PHTF2: variants seen among roughly 807,000 people sequenced by gnomAD.
PHTF2 encodes the protein putative homeodomain transcription factor 2.
In PHTF2, 60 loss-of-function variants were observed where a neutral mutation model predicts 101.2. The observed-to-expected ratio is 0.59, with a 90% CI of 0.48 to 0.73. The LOEUF (loss-of-function observed/expected upper bound fraction) is 0.73. Among genes scored for constraint, PHTF2 ranks in the 30% least tolerant of loss-of-function variants. The probability of loss-of-function intolerance (pLI) is 0.00; values close to 1 mark genes in which losing one functional copy is unlikely to be tolerated. For missense variants in PHTF2, 747 were observed against 908.7 expected, an observed-to-expected ratio of 0.82 and a Z score of 2.29; for synonymous variants, 311 against 307.3, an observed-to-expected ratio of 1.01 and a Z score of -0.13.
chr7:77,910,118 T>A, intron 8 of PHTF2, 127 bp from the exon 8 acceptor site: 1 of 659,928 alleles, frequency 1.5e-6, no homozygotes, highest in Non-Finnish European at 2.5e-6. Context: ...ATCTAGTAAA[T>A]CTAAATTTTA....
intron 3 of PHTF2, among the ~76,000 whole-genome samples, chr7:77,878,604 A>G (rs1369999606): frequency 6.6e-6 from 1 of 152,190 alleles, no homozygotes; most frequent in East Asian, 1.9e-4. Context: ...GGCTGTTATC[A>G]TCCTTCCTTT....
At chr7:77,879,776 A>G (rs1010213703) in intron 3 of PHTF2, among the ~76,000 whole-genome samples, 1 of 152,124 alleles carries the variant, frequency 6.6e-6, no homozygotes, top group Non-Finnish European at 1.5e-5. Flanking sequence ...TATGTATCTT[A>G]TAGGAAAAGC....
chr7:77,885,023 T>C (rs1799713052), intron 3 of PHTF2, among the ~76,000 whole-genome samples: 1 of 152,260 alleles, frequency 6.6e-6, no homozygotes, highest in Non-Finnish European at 1.5e-5. Context: ...GTAATGTTTT[T>C]AGAATATCAA....
chr7:77,942,715 C>T lies in PHTF2; in HGVS notation c.1888C>T (p.Arg630Ter), dbSNP rs199985778. 8 of 1,596,298 alleles carry T rather than the reference C, an allele frequency of 5.0e-6. No individual in the cohort carries two copies. Among genetic ancestry groups the T allele is most frequent in the Non-Finnish European group, 6.0e-6 (7 of 1,168,766 alleles). The change falls in exon 16 of 20, where the codon CGA becomes TGA. Residue 630 changes from arginine to a stop codon, truncating the protein, a stop_gained. Transcript: ENST00000416283. LOFTEE classifies it high-confidence loss of function. Reference sequence around the variant, plus strand: ...CACCCTGCAGCGTCGAGGTCCTCAGCGATCAGTTGATGTAATAGTTTCATC... The same window carrying T: ...CACCCTGCAGCGTCGAGGTCCTCAGTGATCAGTTGATGTAATAGTTTCATC...
chr7:77,946,632 TA>T (rs1309145347), intron 16 of PHTF2, among the ~76,000 whole-genome samples: 1 of 152,190 alleles, frequency 6.6e-6, no homozygotes, highest in Non-Finnish European at 1.5e-5. Flanking sequence ...ACTTCCTCTG[TA>T]AAGGGCCAGA....
chr7:77,849,930 A>G (rs146828474), intron 2 of PHTF2, among the ~76,000 whole-genome samples: 173 of 152,310 alleles, frequency 1.1e-3, no homozygotes, highest in African/African-American at 4.0e-3. Context: ...TTTTCCAAGT[A>G]AAAGATCATA....
At chr7:77,957,066 ATGTAAGAAAT>A (rs1229623879) in exon 20 of PHTF2, 1 of 152,228 alleles carries the variant, frequency 6.6e-6, no homozygotes, top group African/African-American at 2.4e-5. Flanking sequence ...AATACCATGA[ATGTAAGAAAT>A]TGAAAGAAAT....
chr7:77,928,802 T>G (rs1377474670), intron 11 of PHTF2, among the ~76,000 whole-genome samples: 2 of 152,246 alleles, frequency 1.3e-5, no homozygotes, highest in Admixed American at 6.5e-5. Flanking sequence ...GAACTTAGAC[T>G]ACTTAGACTA....
In PHTF2 at chr7:77,937,704, T is replaced by TTA; in HGVS notation, c.1339-3_1339-2dup. 4.0e-6 allele frequency: 5 copies of TTA among 1,247,612 alleles called. No homozygotes were observed. The highest frequency in any genetic ancestry group is 2.8e-5 in the East Asian group (1 of 35,480). 77.3% of individuals were successfully genotyped at this position (1,247,612 alleles called of 1,614,324 possible). ...ATATATTTACTAATTTTTTTTTTTT[T>TTA]TATAGAGTCATTTGCCCTGGCTCCA... On this transcript the variant is annotated splice_region_variant and splice_polypyrimidine_tract_variant and intron_variant, in intron 12 of 19. Transcript: ENST00000416283.
chr7:77,828,138 A>C (rs1794825112), intron 1 of PHTF2, among the ~76,000 whole-genome samples: 1 of 152,212 alleles, frequency 6.6e-6, no homozygotes, highest in African/African-American at 2.4e-5. Flanking sequence ...ACCAGTAATA[A>C]CATGTCCATG....
rs58290945 is a variant in PHTF2, at chr7:77,925,495, G to GTTTTTTTT, written c.1119+2741_1119+2748dup. On this transcript the variant is annotated intron_variant, in intron 11 of 19. Transcript: ENST00000416283. Reference sequence around the variant, plus strand: ...GCAATTATAGGCAATAGTTTTTAGGGTTTTTTTTTTTTTTTTTTTTTTTTT... The same window carrying GTTTTTTTT: ...GCAATTATAGGCAATAGTTTTTAGGGTTTTTTTTTTTTTTTTTTTTTTTTTTTTTTTTT... Among the ~76,000 whole-genome samples, 26 of 73,166 alleles carry GTTTTTTTT rather than the reference G, an allele frequency of 3.6e-4. 2 individuals are homozygous for GTTTTTTTT. The highest frequency in any genetic ancestry group is 9.2e-4 in the African/African-American group (16 of 17,300). The allele number at this position is 73,166 out of a possible 152,430, so 48.0% of individuals were successfully genotyped here. A position where few individuals can be genotyped will look rare whatever the true frequency, so the allele number is the denominator to read the frequency against.
At chr7:77,940,950 T>C (rs1805591869) in intron 15 of PHTF2, among the ~76,000 whole-genome samples, 1 of 152,192 alleles carries the variant, frequency 6.6e-6, no homozygotes, top group Admixed American at 6.5e-5. Flanking sequence ...CATGTCATTA[T>C]TTTCCTTTAA....
At chr7:77,927,195 T>TATAC (rs1554388751) in intron 11 of PHTF2, among the ~76,000 whole-genome samples, 4 of 78,510 alleles carry the variant, frequency 5.1e-5, no homozygotes, top group African/African-American at 7.4e-5. Context: ...TATATATATA[T>TATAC]ACATACACAC....
intron 3 of PHTF2, among the ~76,000 whole-genome samples, chr7:77,875,842 A>G (rs535714770): frequency 1.2e-4 from 19 of 152,242 alleles, no homozygotes; most frequent in African/African-American, 3.9e-4. Context: ...CAGGCGTGAG[A>G]AACCGTGCTG....
In PHTF2 at chr7:77,946,173, A is replaced by C. The variant is rs550341811; in HGVS notation, c.1959+3387A>C. Among the ~76,000 whole-genome samples the C allele has an allele frequency of 1.3e-4, 20 of 152,340 alleles. No homozygotes were observed. In the South Asian group the frequency reaches 4.1e-3, roughly 32 times the overall value. ...TCAACTTTAGAAAATCCATTAATGC[A>C]ATTTAAGCTGATTAAAGGCAGAAAA... On this transcript the variant is annotated intron_variant, in intron 16 of 19. Coordinates refer to ENST00000416283, the Ensembl canonical transcript of PHTF2.
intron 10 of PHTF2, among the ~76,000 whole-genome samples, chr7:77,921,531 A>T (rs1054622272): frequency 2.0e-5 from 3 of 152,218 alleles, no homozygotes; most frequent in Non-Finnish European, 4.4e-5. Context: ...ATATGTTACT[A>T]CTTGAACGTT....
At chr7:77,954,608 C>CTA (rs1262120011) in intron 19 of PHTF2, among the ~76,000 whole-genome samples, 7 of 99,870 alleles carry the variant, frequency 7.0e-5, no homozygotes, top group African/African-American at 3.0e-4. Flanking sequence ...TAAACAAGTA[C>CTA]TGTGTATATA....
intron 11 of PHTF2, among the ~76,000 whole-genome samples, chr7:77,924,362 C>T (rs1242194092): frequency 6.6e-6 from 1 of 151,982 alleles, no homozygotes; most frequent in Non-Finnish European, 1.5e-5. Context: ...CCATTTATCA[C>T]TAAATAACCA....
chr7:77,903,937 T>A (rs1030105327), intron 7 of PHTF2, among the ~76,000 whole-genome samples: 7 of 152,268 alleles, frequency 4.6e-5, no homozygotes, highest in East Asian at 1.9e-4. Context: ...TAGTTTTTTT[T>A]ATTTCAATTA....
Sources: gnomAD v4.1 joint callset for allele counts (sites outside exome capture counted in the v4.1 genomes callset) on GRCh38, gnomAD v4.1.1 for gene constraint, MANE v1.5 for transcripts, NCBI Gene and HGNC (gene_info 2026-07-23, HGNC 2026-07-21) for gene names.